CAST: variants seen among roughly 807,000 people sequenced by gnomAD.
CAST encodes calpastatin.
Under a neutral mutation model 119.6 loss-of-function variants are expected in CAST, and 76 were observed. The observed-to-expected ratio is 0.64, with a 90% CI of 0.53 to 0.77. The LOEUF is 0.77. Ranked by LOEUF, CAST falls within the 30% of genes least tolerant of loss-of-function variation. CAST has a pLI of 0.00. For synonymous variants in CAST, 319 were observed against 331.6 expected (o/e 0.96, Z 0.41); for missense variants, 953 against 946.5 (o/e 1.01, Z -0.09).
chr5:96,491,490 C>CAAAAAAAAAAAA, the CAST span, among the ~76,000 whole-genome samples: 37 of 56,744 alleles, frequency 6.5e-4, no homozygotes, highest in East Asian at 1.4e-3. Flanking sequence ...GACTCCATCT[C>CAAAAAAAAAAAA]AAAAAAAAAA....
the CAST span, among the ~76,000 whole-genome samples, chr5:96,151,759 G>A: frequency 3.3e-4 from 50 of 152,288 alleles, no homozygotes; most frequent in Middle Eastern, 0.01. Flanking sequence ...CTTTGTGCAG[G>A]GCACTGAGTT....
At chr5:96,648,059 G>A (rs1337830236) in intron 1 of CAST, among the ~76,000 whole-genome samples, 1 of 152,100 alleles carries the variant, frequency 6.6e-6, no homozygotes, top group Non-Finnish European at 1.5e-5. Context: ...TTCAACTTAG[G>A]TTGTGTTTCC....
intron 1 of CAST, among the ~76,000 whole-genome samples, chr5:96,539,028 A>C (rs1158577160): frequency 6.6e-6 from 1 of 152,228 alleles, no homozygotes; most frequent in Non-Finnish European, 1.5e-5. Flanking sequence ...ATCTTGCTAA[A>C]TCAATGACTA....
chr5:96,092,949 A>G, the CAST span, among the ~76,000 whole-genome samples: 191 of 152,276 alleles, frequency 1.3e-3, 1 homozygote, highest in Middle Eastern at 6.8e-3. Context: ...CTCCTTAATC[A>G]TTGTTCGGCG....
the CAST span, among the ~76,000 whole-genome samples, chr5:96,265,285 G>T: frequency 2.0e-5 from 3 of 151,888 alleles, no homozygotes; most frequent in African/African-American, 7.3e-5. Context: ...GTACATATGT[G>T]TGTATGTAAA....
chr5:96,704,197 G>C (rs116752129), intron 3 of CAST, among the ~76,000 whole-genome samples: 1 of 152,206 alleles, frequency 6.6e-6, no homozygotes, highest in Non-Finnish European at 1.5e-5. Flanking sequence ...CTGTGAAACA[G>C]TGTTTATGAA....
chr5:96,584,238 A>G (rs966711563), intron 1 of CAST, among the ~76,000 whole-genome samples: 13 of 152,194 alleles, frequency 8.5e-5, no homozygotes, highest in African/African-American at 7.2e-5. Context: ...ACTGTTCCCA[A>G]TAGGGCTGGT....
chr5:96,103,256 A>G, the CAST span, among the ~76,000 whole-genome samples: 7 of 151,876 alleles, frequency 4.6e-5, no homozygotes, highest in Admixed American at 2.6e-4. Context: ...TGTGCAGGTT[A>G]GTTACATATG....
chr5:96,454,209 A>C, the CAST span, among the ~76,000 whole-genome samples: 1 of 152,190 alleles, frequency 6.6e-6, no homozygotes, highest in Non-Finnish European at 1.5e-5. Context: ...CGTACAATCT[A>C]TGTTACCTTA....
the CAST span, among the ~76,000 whole-genome samples, chr5:96,514,451 A>G: frequency 6.6e-6 from 1 of 152,278 alleles, no homozygotes; most frequent in Admixed American, 6.5e-5. Context: ...TAATAAGTGA[A>G]TGAATGAATG....
the CAST span, chr5:96,398,945 G>A: frequency 6.2e-7 from 1 of 1,612,630 alleles, no homozygotes; most frequent in Non-Finnish European, 8.5e-7. Context: ...GCTTCAAATT[G>A]TACATGCTCC....
intron 1 of CAST, among the ~76,000 whole-genome samples, chr5:96,572,305 A>G (rs935063964): frequency 8.6e-5 from 13 of 152,018 alleles, no homozygotes; most frequent in African/African-American, 2.9e-4. Flanking sequence ...GGTTCGAGCA[A>G]TTCTCCTACT....
chr5:96,689,974 G>A (rs1752535970), intron 2 of CAST, among the ~76,000 whole-genome samples: 1 of 152,148 alleles, frequency 6.6e-6, no homozygotes, highest in Non-Finnish European at 1.5e-5. Context: ...GTAGGTAGGA[G>A]ATGAGGCTCT....
the CAST span, among the ~76,000 whole-genome samples, chr5:96,328,944 G>T: frequency 1.3e-5 from 2 of 152,154 alleles, no homozygotes; most frequent in South Asian, 4.1e-4. Context: ...AAATTATGAA[G>T]AATGTCCTAA....
At chr5:96,399,007 A>G in the CAST span, 9 of 1,612,546 alleles carry the variant, frequency 5.6e-6, no homozygotes, top group Admixed American at 3.3e-5. Flanking sequence ...TGGAATTTCA[A>G]TGATAACTTC....
At chr5:96,363,366 G>A in the CAST span, among the ~76,000 whole-genome samples, 1 of 149,856 alleles carries the variant, frequency 6.7e-6, no homozygotes, top group African/African-American at 2.4e-5. Flanking sequence ...TTCCAATTCT[G>A]TGAAGAAAGT....
the CAST span, among the ~76,000 whole-genome samples, chr5:96,495,745 T>C: frequency 6.6e-6 from 1 of 152,208 alleles, no homozygotes; most frequent in African/African-American, 2.4e-5. Context: ...CATGTGTCTT[T>C]ATAGTAGAAT....
chr5:96,607,396 T>G (rs1747280036), intron 1 of CAST, among the ~76,000 whole-genome samples: 1 of 152,230 alleles, frequency 6.6e-6, no homozygotes, highest in Admixed American at 6.5e-5. Flanking sequence ...CTTCATTCAC[T>G]GCTGTGTCAT....
the CAST span, among the ~76,000 whole-genome samples, chr5:96,481,787 T>C: frequency 5.3e-5 from 8 of 152,310 alleles, no homozygotes; most frequent in South Asian, 1.7e-3. Flanking sequence ...ATTAAGTTGG[T>C]GGTGTTTAGT....
Sources: gnomAD v4.1 joint callset for allele counts (sites outside exome capture counted in the v4.1 genomes callset) on GRCh38, gnomAD v4.1.1 for gene constraint, MANE v1.5 for transcripts, NCBI Gene and HGNC (gene_info 2026-07-23, HGNC 2026-07-21) for gene names.